SASH1: variants seen among roughly 807,000 people sequenced by gnomAD.
SASH1 encodes the protein SAM and SH3 domain containing 1, also known as SAM and SH3 domain-containing protein 1.
A neutral mutation model predicts 125.2 loss-of-function variants in SASH1; 44 were observed. The observed-to-expected ratio is 0.35, with a 90% CI of 0.28 to 0.45. The LOEUF (loss-of-function observed/expected upper bound fraction) is 0.45. Ranked by LOEUF, SASH1 falls within the 20% of genes least tolerant of loss-of-function variation. The pLI is 1.00. For missense variants in SASH1, 1,426 were observed against 1,614.5 expected (o/e 0.88, Z 2.00); for synonymous variants, 639 against 649.1 (o/e 0.98, Z 0.24).
chr6:148,401,907 G>C (rs996771982), intron 2 of SASH1, among the ~76,000 whole-genome samples: 3 of 152,092 alleles, frequency 2.0e-5, no homozygotes, highest in East Asian at 3.9e-4. Flanking sequence ...TTGTATGTGT[G>C]TGTCCTTTCT....
chr6:148,238,057 T>C, the SASH1 span, among the ~76,000 whole-genome samples: 3 of 152,158 alleles, frequency 2.0e-5, no homozygotes, highest in Admixed American at 2.0e-4. Flanking sequence ...TGGAATGCTC[T>C]TCCCCATATG....
At chr6:148,319,865 T>G (rs1160886436) in intron 1 of SASH1, among the ~76,000 whole-genome samples, 1 of 152,166 alleles carries the variant, frequency 6.6e-6, no homozygotes, top group African/African-American at 2.4e-5. Flanking sequence ...AATGAAATCT[T>G]GTGCTGTCCA....
At chr6:148,246,144 C>CCT in the SASH1 span, among the ~76,000 whole-genome samples, 4 of 150,862 alleles carry the variant, frequency 2.7e-5, no homozygotes, top group East Asian at 1.9e-4. Context: ...GTCTCTCTCT[C>CCT]CTCTCTCTCT....
In SASH1 at chr6:148,388,361, C is replaced by T. The variant is rs574737254; in HGVS notation, c.157-1773C>T. ...TTTCTACTGGACACTTGACAATAGA[C>T]GACATTTTGAAGAGGAGGGGGTCTC... On this transcript the variant is annotated intron_variant, in intron 1 of 19. Coordinates refer to ENST00000367467, the MANE Select transcript of SASH1 (RefSeq NM_015278.5). 9.2e-5 allele frequency among the ~76,000 whole-genome samples: 14 copies of T among 152,166 alleles called. No homozygotes were observed. The Middle Eastern group carries it at 0.01, about 111-fold the overall frequency.
At chr6:148,449,412 A>G (rs1776984755) in intron 4 of SASH1, among the ~76,000 whole-genome samples, 2 of 129,468 alleles carry the variant, frequency 1.5e-5, no homozygotes, top group Non-Finnish European at 3.2e-5. Context: ...TCTGAGACGT[A>G]GTTTCGCTCT....
intron 7 of SASH1, among the ~76,000 whole-genome samples, chr6:148,480,971 A>G (rs1434348465): frequency 2.1e-5 from 3 of 146,328 alleles, no homozygotes; most frequent in Non-Finnish European, 4.6e-5. Context: ...TAGCTTTATG[A>G]TGGATAATTA....
At chr6:148,346,122 A>G (rs1331907843) in intron 1 of SASH1, among the ~76,000 whole-genome samples, 1 of 152,196 alleles carries the variant, frequency 6.6e-6, no homozygotes, top group African/African-American at 2.4e-5. Flanking sequence ...GGAACTTTGA[A>G]ATGACAAAAC....
intron 7 of SASH1, among the ~76,000 whole-genome samples, chr6:148,485,669 A>G (rs1048160261): frequency 1.3e-5 from 2 of 152,176 alleles, no homozygotes; most frequent in African/African-American, 4.8e-5. Flanking sequence ...GCTCTTACTC[A>G]ATAATCAATA....
intron 7 of SASH1, among the ~76,000 whole-genome samples, chr6:148,485,772 A>G (rs1778811632): frequency 6.6e-6 from 1 of 152,224 alleles, no homozygotes; most frequent in Non-Finnish European, 1.5e-5. Context: ...AATAACTGTC[A>G]TTGTAGTGGC....
chr6:148,415,844 C>T (rs1784796629), intron 2 of SASH1, among the ~76,000 whole-genome samples: 1 of 152,176 alleles, frequency 6.6e-6, no homozygotes, highest in Admixed American at 6.5e-5. Flanking sequence ...TTAAACCTAC[C>T]CACTCATTCA....
chr6:148,308,325 C>T (rs1221606132), intron 1 of SASH1, among the ~76,000 whole-genome samples: 2 of 150,016 alleles, frequency 1.3e-5, no homozygotes, highest in Non-Finnish European at 3.0e-5. Flanking sequence ...TTTTAAAGAA[C>T]TTGCTCTGTA....
chr6:148,303,813 A>G (rs1373989898), intron 1 of SASH1, among the ~76,000 whole-genome samples: 2 of 151,020 alleles, frequency 1.3e-5, no homozygotes, highest in South Asian at 2.1e-4. Context: ...AAATAAATAA[A>G]TAAATAAATA....
At chr6:148,262,838 G>C in the SASH1 span, among the ~76,000 whole-genome samples, 2 of 152,150 alleles carry the variant, frequency 1.3e-5, no homozygotes, top group Admixed American at 1.3e-4. Context: ...AGCCAAGTGC[G>C]CTCCAGCCTG....
At chr6:148,512,854 C>G in intron 8 of SASH1, 1 of 985,204 alleles carries the variant, frequency 1.0e-6, no homozygotes, top group Non-Finnish European at 1.2e-6. Context: ...GTCCTGATGA[C>G]TTGCTGATGT....
At chr6:148,357,280 C>T (rs892515665) in intron 1 of SASH1, among the ~76,000 whole-genome samples, 2 of 152,206 alleles carry the variant, frequency 1.3e-5, no homozygotes, top group African/African-American at 4.8e-5. Flanking sequence ...TAAACACACC[C>T]ACATTTTATT....
At chr6:148,295,456 A>T (rs1779741048) in intron 1 of SASH1, among the ~76,000 whole-genome samples, 1 of 152,252 alleles carries the variant, frequency 6.6e-6, no homozygotes, top group Non-Finnish European at 1.5e-5. Flanking sequence ...TGGATGCATT[A>T]TTCTTTGGGT....
intron 2 of SASH1, among the ~76,000 whole-genome samples, chr6:148,415,518 A>C (rs746797983): frequency 2.2e-4 from 34 of 152,356 alleles, no homozygotes; most frequent in Middle Eastern, 6.8e-3. Context: ...TTAAAAAATG[A>C]AAACCACTTA....
At chr6:148,535,712 G>GTATT (rs1285640716) in intron 16 of SASH1, among the ~76,000 whole-genome samples, 4 of 152,104 alleles carry the variant, frequency 2.6e-5, no homozygotes, top group Non-Finnish European at 5.9e-5. Context: ...ATCTTGCTCT[G>GTATT]TATTATTCAA....
intron 4 of SASH1, among the ~76,000 whole-genome samples, chr6:148,464,814 C>T (rs1379234768): frequency 6.6e-6 from 1 of 152,094 alleles, no homozygotes; most frequent in Non-Finnish European, 1.5e-5. Flanking sequence ...TGGGGAGCCT[C>T]ACGCTTATGA....
Sources: allele counts gnomAD v4.1 joint callset (sites outside exome capture counted in the v4.1 genomes callset), GRCh38; gene constraint gnomAD v4.1.1; transcripts MANE v1.5; gene names NCBI Gene and HGNC (gene_info 2026-07-23, HGNC 2026-07-21).